The following TRIP4 variants were observed in gnomAD, a reference collection of about 807,000 sequenced individuals.
TRIP4 encodes thyroid hormone receptor interactor 4, also known as activating signal cointegrator 1.
TRIP4 carries 54 observed loss-of-function variants against 81.8 expected under a neutral mutation model. The observed-to-expected ratio is 0.66, with a 90% CI of 0.53 to 0.83. The LOEUF (loss-of-function observed/expected upper bound fraction) is 0.83, where lower values mean the gene tolerates loss of function less well. Among genes scored for constraint, TRIP4 ranks in the 40% least tolerant of loss-of-function variants. TRIP4 has a pLI of 0.00. For synonymous variants in TRIP4, 270 were observed against 242.8 expected, an observed-to-expected ratio of 1.11 and a Z score of -1.04; for missense variants, 662 against 683.6, an observed-to-expected ratio of 0.97 and a Z score of 0.35.
At chr15:64,429,888 C>T (rs930428942) in intron 11 of TRIP4, among the ~76,000 whole-genome samples, 6 of 152,142 alleles carry the variant, frequency 3.9e-5, no homozygotes, top group Non-Finnish European at 8.8e-5. Flanking sequence ...AAACTAACTT[C>T]CTGTGTGACT....
chr15:64,392,304 CA>C (rs899945705), intron 1 of TRIP4, among the ~76,000 whole-genome samples: 2 of 151,802 alleles, frequency 1.3e-5, no homozygotes, highest in East Asian at 1.9e-4. Context: ...TCTGAAAAAA[CA>C]AAAAAACCCT....
chr15:64,393,016 G>A (rs1340424072), intron 1 of TRIP4, among the ~76,000 whole-genome samples: 1 of 152,154 alleles, frequency 6.6e-6, no homozygotes, highest in East Asian at 1.9e-4. Flanking sequence ...CAGTACATAC[G>A]ATACCAATCA....
chr15:64,427,433 A>G (rs1892173416), intron 11 of TRIP4, among the ~76,000 whole-genome samples: 1 of 151,982 alleles, frequency 6.6e-6, no homozygotes, highest in South Asian at 2.1e-4. Context: ...TCCAGGCTGG[A>G]GTGCCAATCT....
chr15:64,402,894 C>G (rs1384212914), intron 5 of TRIP4, among the ~76,000 whole-genome samples: 2 of 149,270 alleles, frequency 1.3e-5, no homozygotes, highest in African/African-American at 5.0e-5. Context: ...GAGTCTCGCT[C>G]TGTCGCCCAG....
At position 64,400,834 on chromosome 15, in the gene TRIP4, C is replaced by T; in HGVS notation, c.697+13C>T. 2.5e-6 allele frequency: 4 copies of T among 1,607,998 alleles called. No homozygotes were observed. Among genetic ancestry groups the T allele is most frequent in the Non-Finnish European group, 3.4e-6 (4 of 1,174,874 alleles). On this transcript the variant is annotated intron_variant, in intron 5 of 12. Transcript: ENST00000261884. ...AAACTCATGTCAGGTAGACAGCAGT[C>T]TTGTAATTGGATCACTGGGATGATG...
At chr15:64,389,826 C>G (rs1026532188) in intron 1 of TRIP4, among the ~76,000 whole-genome samples, 3 of 149,974 alleles carry the variant, frequency 2.0e-5, no homozygotes, top group Non-Finnish European at 4.4e-5. Flanking sequence ...TTCCTCAGCC[C>G]GAGCAGCTGG....
intron 1 of TRIP4, among the ~76,000 whole-genome samples, chr15:64,389,552 G>T (rs1214928908): frequency 6.6e-6 from 1 of 152,052 alleles, no homozygotes; most frequent in Admixed American, 6.6e-5. Flanking sequence ...AAATCTTATG[G>T]TTTGGCTTTA....
intron 11 of TRIP4, among the ~76,000 whole-genome samples, chr15:64,435,349 A>G (rs1027244424): frequency 6.0e-5 from 9 of 150,714 alleles, no homozygotes; most frequent in African/African-American, 1.7e-4. Context: ...ATGAAACCCC[A>G]TCTCTGCTAA....
At chr15:64,390,123 A>T (rs1299854143) in intron 1 of TRIP4, among the ~76,000 whole-genome samples, 1 of 147,488 alleles carries the variant, frequency 6.8e-6, no homozygotes, top group African/African-American at 2.5e-5. Context: ...TATTATATTA[A>T]ATATATTAAA....
intron 11 of TRIP4, among the ~76,000 whole-genome samples, chr15:64,438,473 T>G (rs796286437): frequency 6.6e-5 from 10 of 152,286 alleles, no homozygotes; most frequent in African/African-American, 2.4e-4. Flanking sequence ...GCATGCACCA[T>G]CACATCTGGC....
intron 11 of TRIP4, among the ~76,000 whole-genome samples, chr15:64,426,294 TTGCCAGGACTG>T (rs200409357): frequency 0.013 from 1,973 of 152,270 alleles, 32 homozygotes; most frequent in African/African-American, 0.046. Flanking sequence ...TTGACTCTGA[TTGCCAGGACTG>T]TGCCATATTT....
In TRIP4 at chr15:64,406,451, C is replaced by T. The variant is rs1033400306; in HGVS notation, c.819C>T (p.Asp273=). 3 of 1,613,434 alleles carry T rather than the reference C, an allele frequency of 1.9e-6. No homozygotes were observed. The highest frequency in any genetic ancestry group is 1.6e-4 in the Middle Eastern group (1 of 6,080). The change falls in exon 6 of 13, where the codon GAC becomes GAT. Residue 273 remains aspartate (D), a synonymous_variant. Coordinates refer to ENST00000261884, the MANE Select transcript of TRIP4 (RefSeq NM_016213.5). Reference sequence around the variant, plus strand: ...ATAAAGACAAACTGTTAGAGTTTGACAGAACTAGGTATGAAAGGGTTAGAA... The same window carrying T: ...ATAAAGACAAACTGTTAGAGTTTGATAGAACTAGGTATGAAAGGGTTAGAA... ...IKHKDKLLEF[D]RTSIRRTQVI... is the part of the protein sequence containing the mutation.
At chr15:64,445,574 C>A (rs1892613452) in intron 12 of TRIP4, among the ~76,000 whole-genome samples, 1 of 142,726 alleles carries the variant, frequency 7.0e-6, no homozygotes, top group African/African-American at 2.6e-5. Context: ...AAGGCTGAGG[C>A]AGGAGAATCG....
rs766218041 is a variant in TRIP4 at position 64,409,647 on chromosome 15, G to A, written c.862G>A (p.Asp288Asn). The change falls in exon 7 of 13, where the codon GAT becomes AAT. Residue 288 changes from aspartate to asparagine, a missense_variant. Physicochemically the swap from Asp to Asn is conservative, Grantham distance 23 (BLOSUM62 1). Transcript: ENST00000261884. Reference sequence around the variant, plus strand: ...GACCCAAGTCATTGATGATGAGTCAGATTACTTTGCCAGTGATTCTAACCA... The same window carrying A: ...GACCCAAGTCATTGATGATGAGTCAAATTACTTTGCCAGTGATTCTAACCA... The part of the protein sequence containing the change: ...RRTQVIDDES[D>N]YFASDSNQWL... 2.5e-6 allele frequency: 4 copies of A among 1,614,164 alleles called. No individual in the cohort carries two copies. Among genetic ancestry groups the A allele is most frequent in the South Asian group, 1.1e-5 (1 of 91,078 alleles).
At position 64,418,681 on chromosome 15, in the gene TRIP4, C is replaced by T. The variant is rs1439997247; in HGVS notation, c.1311C>T (p.Leu437=). The T allele has an allele frequency of 6.2e-7, 1 of 1,613,986 alleles. No individual in the cohort carries two copies. Among genetic ancestry groups the T allele is most frequent in the East Asian group, 2.2e-5 (1 of 44,876 alleles). ...FQEGFDGGWC[L]SVHQPWASLL... is the part of the protein sequence containing the mutation. The stretch of plus-strand genomic sequence containing the variant: ...AAGGCTTTGATGGTGGCTGGTGCCT[C>T]TCTGTACATCAGCCCTGGGCTTCTC... Residue 437 remains leucine, a synonymous_variant, in exon 9 of 13, where the codon CTC becomes CTT. Coordinates refer to ENST00000261884, the MANE Select transcript of TRIP4 (RefSeq NM_016213.5).
chr15:64,406,381 A>T lies in TRIP4; in HGVS notation c.749A>T (p.His250Leu). 1.9e-6 allele frequency: 3 copies of T among 1,614,198 alleles called. No homozygotes were observed. Among genetic ancestry groups the T allele is most frequent in the Non-Finnish European group, 2.5e-6 (3 of 1,180,034 alleles). Reference protein sequence around the residue: ...VDISTKDLLPHQELRIKSGLE... With the variant: ...VDISTKDLLPLQELRIKSGLE... The stretch of plus-strand genomic sequence containing the variant: ...ATCTCTACCAAGGACCTTCTTCCTC[A>T]TCAAGAATTGCGAATTAAGTCTGGT... The change falls in exon 6 of 13, where the codon CAT (histidine) becomes CTT (leucine). Residue 250 changes from histidine to leucine, a missense_variant. His to Leu is a moderately conservative substitution (Grantham distance 99). Transcript: ENST00000261884.
At position 64,418,664 on chromosome 15, in the gene TRIP4, G is replaced by T; in HGVS notation, c.1294G>T (p.Asp432Tyr). ...GGATCAAGAATTTCAGGAAGGCTTT[G>T]ATGGTGGCTGGTGCCTCTCTGTACA... ...IQDQEFQEGF[D>Y]GGWCLSVHQP... Residue 432 changes from aspartate (D) to tyrosine (Y), a missense_variant, in exon 9 of 13, where the codon GAT becomes TAT. By Grantham distance (160) the Asp-to-Tyr change is radical. Coordinates refer to ENST00000261884, the MANE Select transcript of TRIP4 (RefSeq NM_016213.5). 6.2e-7 allele frequency: 1 copy of T among 1,614,096 alleles called. No individual in the cohort carries two copies. The highest frequency in any genetic ancestry group is 1.1e-5 in the South Asian group (1 of 91,078).
At chr15:64,411,791 T>A (rs1286470448) in intron 7 of TRIP4, among the ~76,000 whole-genome samples, 1 of 151,874 alleles carries the variant, frequency 6.6e-6, no homozygotes, top group Non-Finnish European at 1.5e-5. Context: ...GCCATTCTCC[T>A]GACTCAGCCT....
chr15:64,411,685 G>GT (rs34551967), intron 7 of TRIP4, among the ~76,000 whole-genome samples: 118,147 of 147,276 alleles, frequency 0.8, 49,990 homozygotes, highest in East Asian at 0.95. Flanking sequence ...TGTGCATACT[G>GT]TTTTTTTTTT....
Sources: allele counts gnomAD v4.1 joint callset (sites outside exome capture counted in the v4.1 genomes callset), GRCh38; gene constraint gnomAD v4.1.1; transcripts MANE v1.5; gene names NCBI Gene and HGNC (gene_info 2026-07-23, HGNC 2026-07-21).